The following C5orf58 variants were observed in gnomAD, a reference collection of about 807,000 sequenced individuals.
The protein encoded by C5orf58 is putative uncharacterized protein C5orf58.
A neutral mutation model predicts 2.9 loss-of-function variants in C5orf58; 2 were observed. The ratio of observed to expected loss-of-function variants is 0.69; its 90% confidence interval spans 0.28 to 2.18. C5orf58 has a LOEUF of 2.18. Among genes scored for constraint, C5orf58 ranks in the 30% most tolerant of loss-of-function variants. C5orf58 has a pLI of 0.13. For missense variants in C5orf58, 96 were observed against 91.7 expected, an observed-to-expected ratio of 1.05 and a Z score of -0.19; for synonymous variants, 37 against 33.4, an observed-to-expected ratio of 1.11 and a Z score of -0.37.
At chr5:170,247,285 T>C (rs187154956), downstream of C5orf58, 1 of 152,244 alleles carries the variant, frequency 6.6e-6, no homozygotes, top group East Asian at 1.9e-4. Context: ...CTTCTGGTTG[T>C]TAAGGATGAG....
At chr5:170,236,292 G>A (rs991146899) in intron 3 of C5orf58, among the ~76,000 whole-genome samples, 16 of 152,070 alleles carry the variant, frequency 1.1e-4, no homozygotes, top group African/African-American at 3.4e-4. Flanking sequence ...GTTCTCCCTA[G>A]GACAGCATTT....
chr5:170,248,940 A>G, downstream of C5orf58: 1 of 965,588 alleles, frequency 1.0e-6, no homozygotes, highest in East Asian at 2.7e-5. Context: ...TGTGGGGGGA[A>G]AAAATGTAAA....
chr5:170,244,139 A>G (rs1250894757), intron 3 of C5orf58, among the ~76,000 whole-genome samples: 1 of 151,574 alleles, frequency 6.6e-6, no homozygotes, highest in South Asian at 2.1e-4. Flanking sequence ...GGTTTCTGCC[A>G]AGAGATCCGC....
intron 3 of C5orf58, chr5:170,237,435 A>G (rs1561956111): frequency 7.6e-6 from 3 of 396,110 alleles, no homozygotes; most frequent in Non-Finnish European, 8.9e-6. Context: ...AGGTCAAGCA[A>G]CTAGTCAGTG....
downstream of C5orf58, among the ~76,000 whole-genome samples, chr5:170,249,641 T>C (rs1049027064): frequency 6.6e-6 from 1 of 152,078 alleles, no homozygotes; most frequent in Middle Eastern, 3.2e-3. Flanking sequence ...CTTCATGATC[T>C]CTCTGCTGTG....
At chr5:170,241,898 G>A (rs566590690) in intron 3 of C5orf58, among the ~76,000 whole-genome samples, 70 of 151,674 alleles carry the variant, frequency 4.6e-4, no homozygotes, top group African/African-American at 1.7e-3. Context: ...CATTCAGTAT[G>A]ATATTGGCTG....
At chr5:170,243,773 T>C (rs1456737229) in intron 3 of C5orf58, among the ~76,000 whole-genome samples, 2 of 151,348 alleles carry the variant, frequency 1.3e-5, no homozygotes, top group African/African-American at 4.9e-5. Flanking sequence ...ATTTAGTCCA[T>C]TTACATTTAA....
chr5:170,244,198 G>C (rs1450001865), intron 3 of C5orf58, among the ~76,000 whole-genome samples: 1 of 146,142 alleles, frequency 6.8e-6, no homozygotes, highest in African/African-American at 2.5e-5. Flanking sequence ...CTTTCTCTCT[G>C]GCTGCCCTTA....
chr5:170,248,946 G>T, downstream of C5orf58: 1 of 888,054 alleles, frequency 1.1e-6, no homozygotes. Flanking sequence ...GGGAAAAAAT[G>T]TAAATGTGGC....
downstream of C5orf58, chr5:170,246,248 G>C (rs115514566): frequency 8.2e-6 from 6 of 736,122 alleles, no homozygotes; most frequent in African/African-American, 1.8e-5. Context: ...GTTCTTGAAG[G>C]CTGTTTAATG....
intron 3 of C5orf58, 63 bp from the exon 4 acceptor site, chr5:170,245,899 G>A: frequency 6.8e-7 from 1 of 1,475,216 alleles, no homozygotes; most frequent in Non-Finnish European, 9.3e-7. Flanking sequence ...GCTACTTAAA[G>A]CAATAATAGT....
intron 3 of C5orf58, among the ~76,000 whole-genome samples, chr5:170,244,572 G>A (rs986133763): frequency 4.0e-5 from 6 of 151,850 alleles, no homozygotes; most frequent in Admixed American, 2.6e-4. Flanking sequence ...TGATCTCATC[G>A]GCTCCTGAGA....
intron 3 of C5orf58, among the ~76,000 whole-genome samples, chr5:170,242,703 A>C (rs1379240827): frequency 6.9e-6 from 1 of 145,262 alleles, no homozygotes; most frequent in Non-Finnish European, 1.5e-5. Context: ...CGGTCTATCA[A>C]TTTTGTTGAT....
intron 2 of C5orf58, among the ~76,000 whole-genome samples, chr5:170,234,475 C>G (rs1760657444): frequency 6.6e-6 from 1 of 152,204 alleles, no homozygotes; most frequent in African/African-American, 2.4e-5. Context: ...CAAAACCAAA[C>G]CAGCCATTTG....
intron 3 of C5orf58, among the ~76,000 whole-genome samples, chr5:170,242,480 T>C (rs1389244703): frequency 1.3e-4 from 16 of 127,750 alleles, no homozygotes; most frequent in African/African-American, 4.9e-4. Context: ...TATTCAGAGA[T>C]TCAACTTCTT....
downstream of C5orf58, chr5:170,248,629 C>G (rs764949590): frequency 2.8e-5 from 45 of 1,585,968 alleles, no homozygotes; most frequent in Non-Finnish European, 3.7e-5. Context: ...TGTCCATTGA[C>G]CAAGGCTGAT....
At chr5:170,240,848 C>T (rs1177754499) in intron 3 of C5orf58, among the ~76,000 whole-genome samples, 1 of 151,886 alleles carries the variant, frequency 6.6e-6, no homozygotes, top group Non-Finnish European at 1.5e-5. Context: ...GAAGTCCTTG[C>T]CCATGCCTAT....
intron 3 of C5orf58, among the ~76,000 whole-genome samples, chr5:170,238,827 A>G (rs1223249352): frequency 1.3e-5 from 2 of 152,206 alleles, no homozygotes; most frequent in African/African-American, 4.8e-5. Context: ...CAACCTAATT[A>G]AGGATTAGTG....
At chr5:170,235,742 T>G (rs1760714609) in intron 3 of C5orf58, among the ~76,000 whole-genome samples, 1 of 152,218 alleles carries the variant, frequency 6.6e-6, no homozygotes, top group African/African-American at 2.4e-5. Context: ...CCATGAAAAC[T>G]ACACTGAATA....
Sources: allele counts gnomAD v4.1 joint callset (sites outside exome capture counted in the v4.1 genomes callset), GRCh38; gene constraint gnomAD v4.1.1; transcripts MANE v1.5; gene names NCBI Gene and HGNC (gene_info 2026-07-23, HGNC 2026-07-21).